Variants in RAB2A observed in about 807,000 individuals in gnomAD.
RAB2A encodes the protein RAB2A, member RAS oncogene family.
In RAB2A, 7 loss-of-function variants were observed where a neutral mutation model predicts 32.5. The ratio of observed to expected loss-of-function variants is 0.22; its 90% CI spans 0.12 to 0.40. The LOEUF (loss-of-function observed/expected upper bound fraction) is 0.40. Among genes scored for constraint, RAB2A ranks in the 10% least tolerant of loss-of-function variants. RAB2A has a pLI of 1.00. For synonymous variants in RAB2A, 79 were observed against 85.2 expected (o/e 0.93, Z 0.40); for missense variants, 108 against 260.7 (o/e 0.41, Z 4.03).
chr8:60,581,024 G>A (rs1803740519), intron 3 of RAB2A, among the ~76,000 whole-genome samples: 1 of 152,098 alleles, frequency 6.6e-6, no homozygotes, highest in Non-Finnish European at 1.5e-5. Flanking sequence ...TTGTATTACA[G>A]TAGCTCTTCC....
intron 1 of RAB2A, among the ~76,000 whole-genome samples, chr8:60,530,597 C>T (rs1270778979): frequency 6.6e-6 from 1 of 151,856 alleles, no homozygotes; most frequent in Non-Finnish European, 1.5e-5. Flanking sequence ...CCTTTATCAC[C>T]TTTTTTTTAA....
intron 1 of RAB2A, among the ~76,000 whole-genome samples, chr8:60,540,400 G>A (rs1807621767): frequency 6.6e-6 from 1 of 152,072 alleles, no homozygotes; most frequent in Admixed American, 6.6e-5. Flanking sequence ...GGAGTGAAAA[G>A]TGTTAAAAAT....
chr8:60,568,861 G>T (rs1413323139), intron 2 of RAB2A, among the ~76,000 whole-genome samples: 1 of 151,974 alleles, frequency 6.6e-6, no homozygotes, highest in Non-Finnish European at 1.5e-5. Flanking sequence ...AAGGCATAGA[G>T]AATAACAATT....
chr8:60,565,767 G>GT (rs1274018560), intron 2 of RAB2A, among the ~76,000 whole-genome samples: 5 of 115,562 alleles, frequency 4.3e-5, no homozygotes, highest in Non-Finnish European at 6.7e-5. Context: ...TTGGAGTACA[G>GT]TGGTGCCATC....
chr8:60,569,330 A>G (rs1455012830), intron 2 of RAB2A, among the ~76,000 whole-genome samples: 1 of 152,094 alleles, frequency 6.6e-6, no homozygotes, highest in Admixed American at 6.5e-5. Flanking sequence ...TAAATTATCC[A>G]TCCTGACCTG....
At chr8:60,616,249 A>G (rs1285805414) in intron 6 of RAB2A, among the ~76,000 whole-genome samples, 1 of 152,236 alleles carries the variant, frequency 6.6e-6, no homozygotes, top group Non-Finnish European at 1.5e-5. Flanking sequence ...GCCTGTTTTT[A>G]AAGTGATTTA....
intron 1 of RAB2A, among the ~76,000 whole-genome samples, chr8:60,542,630 A>G (rs996395550): frequency 3.9e-5 from 6 of 152,150 alleles, no homozygotes; most frequent in Admixed American, 2.0e-4. Flanking sequence ...CATTTTTGTG[A>G]TTTTGGTCTC....
chr8:60,587,126 A>G (rs1426745415), intron 5 of RAB2A, among the ~76,000 whole-genome samples: 1 of 152,162 alleles, frequency 6.6e-6, no homozygotes, highest in Non-Finnish European at 1.5e-5. Context: ...TTTAAGATTT[A>G]TTATACTATA....
At chr8:60,592,966 A>G (rs1336160349) in intron 6 of RAB2A, among the ~76,000 whole-genome samples, 2 of 152,226 alleles carry the variant, frequency 1.3e-5, no homozygotes, top group Non-Finnish European at 1.5e-5. Flanking sequence ...CGTAAGGATA[A>G]CAGAGGTCAG....
chr8:60,568,365 AG>A (rs1808146916), intron 2 of RAB2A, among the ~76,000 whole-genome samples: 2 of 128,072 alleles, frequency 1.6e-5, no homozygotes, highest in Admixed American at 1.5e-4. Context: ...TCTTTCTCAC[AG>A]GGTCTCTCAT....
At position 60,618,668 on chromosome 8, in the gene RAB2A, GTTGGT is replaced by G. The variant is rs2150439900; in HGVS notation, c.543+21_543+25del. ...AATGAGGTATATACATATAAATATTGTTGGTCAATATTAATTTAGAGTTCACTTTT... is the reference window on the plus strand; with the variant it reads ...AATGAGGTATATACATATAAATATTGCAATATTAATTTAGAGTTCACTTTT... On this transcript the variant is annotated intron_variant, in intron 7 of 7. Coordinates refer to ENST00000262646, the MANE Select transcript of RAB2A (RefSeq NM_002865.3). 1.0e-6 allele frequency: 1 copy of G among 954,446 alleles called. No individual in the cohort carries two copies. The highest frequency in any genetic ancestry group is 1.4e-6 in the Non-Finnish European group (1 of 706,692). The allele number at this position is 954,446 out of a possible 1,614,324, so 59.1% of individuals were successfully genotyped here.
intron 7 of RAB2A, chr8:60,618,972 A>G (rs994165212): frequency 6.6e-6 from 1 of 152,648 alleles, no homozygotes; most frequent in Non-Finnish European, 1.5e-5. Context: ...TTTTATCCAC[A>G]TGACCATATG....
At chr8:60,517,426 G>A (rs1446294417) in intron 1 of RAB2A, among the ~76,000 whole-genome samples, 173 bp downstream of exon 1, 4 of 152,122 alleles carry the variant, frequency 2.6e-5, no homozygotes, top group Non-Finnish European at 4.4e-5. Context: ...GCGAGCGGCC[G>A]CGGCCTGGCC....
intron 2 of RAB2A, among the ~76,000 whole-genome samples, chr8:60,570,512 AC>A (rs1808181828): frequency 6.6e-6 from 1 of 152,016 alleles, no homozygotes; most frequent in Non-Finnish European, 1.5e-5. Context: ...GTATGTCCCC[AC>A]CCTGTGGCAC....
chr8:60,558,987 G>C, intron 2 of RAB2A, 64 bp downstream of exon 2: 2 of 1,208,204 alleles, frequency 1.7e-6, no homozygotes, highest in Non-Finnish European at 2.4e-6. Flanking sequence ...GAAAATGCTA[G>C]AAGGTCCATT....
rs1804300469 is a variant in RAB2A, at chr8:60,609,552, A to G, written c.475-9028A>G. ...GAGTAAGTATGTATTTGCTTCAACC[A>G]TGTTCTTCTTCCTTCAGTCTTTCAT... On this transcript the variant is annotated intron_variant, in intron 6 of 7. Transcript: ENST00000262646. Among the ~76,000 whole-genome samples the G allele has an allele frequency of 1.3e-5, 2 of 152,200 alleles. 1 individual carries two copies. Among genetic ancestry groups the G allele is most frequent in the South Asian group, 4.1e-4 (2 of 4,828 alleles).
chr8:60,519,315 C>T (rs1807264800), intron 1 of RAB2A, among the ~76,000 whole-genome samples: 1 of 152,032 alleles, frequency 6.6e-6, no homozygotes, highest in South Asian at 2.1e-4. Context: ...ATCTACATTT[C>T]TCGCCTTCTT....
chr8:60,547,789 C>A (rs1338221545), intron 1 of RAB2A, among the ~76,000 whole-genome samples: 2 of 120,816 alleles, frequency 1.7e-5, no homozygotes, highest in East Asian at 2.7e-4. Flanking sequence ...CGGGCAGAGG[C>A]GCCCCTCACT....
At position 60,622,640 on chromosome 8, in the gene RAB2A, C is replaced by T. The variant is rs967295395; in HGVS notation, c.*1871C>T. On this transcript the variant is annotated 3_prime_UTR_variant, in exon 8 of 8. Transcript: ENST00000262646. ...TGTTAATTTTTCCAGAAGTTTAGTG[C>T]GTTTCTTTTCCATACTTTCTCCCCT... 8 of 152,262 alleles carry T rather than the reference C, an allele frequency of 5.3e-5. No homozygotes were observed. Among genetic ancestry groups the T allele is most frequent in the South Asian group, 4.1e-4 (2 of 4,826 alleles). 9.4% of individuals were successfully genotyped at this position (152,262 alleles called of 1,614,324 possible).
Sources: allele counts gnomAD v4.1 joint callset (sites outside exome capture counted in the v4.1 genomes callset), GRCh38; gene constraint gnomAD v4.1.1; transcripts MANE v1.5; gene names NCBI Gene and HGNC (gene_info 2026-07-23, HGNC 2026-07-21).